Variants in MUSK observed in about 807,000 individuals in gnomAD.
The protein encoded by MUSK is muscle associated receptor tyrosine kinase, also known as muscle, skeletal receptor tyrosine-protein kinase.
A neutral mutation model predicts 88.7 loss-of-function variants in MUSK; 55 were observed. The ratio of observed to expected loss-of-function variants is 0.62; its 90% CI spans 0.50 to 0.78. The LOEUF (loss-of-function observed/expected upper bound fraction) is 0.78, where lower values mean the gene tolerates loss of function less well. Among genes scored for constraint, MUSK ranks in the 30% least tolerant of loss-of-function variants. The pLI, the probability that MUSK is intolerant of heterozygous loss-of-function variation, is 0.00. For synonymous variants in MUSK, 387 were observed against 391.9 expected (o/e 0.99, Z 0.15); for missense variants, 1,015 against 1,074.3 (o/e 0.94, Z 0.77).
intron 5 of MUSK, among the ~76,000 whole-genome samples, chr9:110,712,159 GA>G (rs35254603): frequency 0.4 from 56,820 of 141,696 alleles, 11,573 homozygotes; most frequent in Admixed American, 0.48. Flanking sequence ...TGTTTATTCT[GA>G]AAAAAAAAAA....
intron 9 of MUSK, among the ~76,000 whole-genome samples, chr9:110,774,894 CTT>C (rs3983435): frequency 2.4e-4 from 21 of 89,320 alleles, no homozygotes; most frequent in African/African-American, 9.0e-4. Context: ...CACACACACT[CTT>C]ACAATTTCCT....
At chr9:110,769,486 C>CA (rs995664332) in intron 9 of MUSK, among the ~76,000 whole-genome samples, 49 of 148,202 alleles carry the variant, frequency 3.3e-4, no homozygotes, top group Admixed American at 4.0e-4. Flanking sequence ...AAAATTACTG[C>CA]AAAAAAAAAT....
intron 6 of MUSK, among the ~76,000 whole-genome samples, chr9:110,739,930 G>A (rs1004435892): frequency 1.3e-5 from 2 of 152,222 alleles, no homozygotes; most frequent in East Asian, 1.9e-4. Flanking sequence ...TATCTTGGCT[G>A]TAGTGAACAT....
intron 5 of MUSK, among the ~76,000 whole-genome samples, chr9:110,704,032 T>A (rs1176656226): frequency 6.6e-6 from 1 of 152,070 alleles, no homozygotes; most frequent in Non-Finnish European, 1.5e-5. Context: ...AACAATAGAG[T>A]GTGGGGAAAC....
chr9:110,735,030 C>T (rs2077011904), intron 6 of MUSK, among the ~76,000 whole-genome samples: 1 of 151,846 alleles, frequency 6.6e-6, no homozygotes, highest in Non-Finnish European at 1.5e-5. Context: ...GTGTCAAATG[C>T]CATGCAGAAA....
chr9:110,680,238 T>G (rs1425259253), intron 1 of MUSK, among the ~76,000 whole-genome samples: 1 of 152,178 alleles, frequency 6.6e-6, no homozygotes, highest in East Asian at 1.9e-4. Flanking sequence ...CAATTGTTGT[T>G]GCTGAATAAT....
At chr9:110,688,064 C>A (rs1043533563) in intron 3 of MUSK, among the ~76,000 whole-genome samples, 1 of 152,130 alleles carries the variant, frequency 6.6e-6, no homozygotes, top group African/African-American at 2.4e-5. Context: ...AATCTCCCAG[C>A]CCTCAGTGTT....
intron 6 of MUSK, among the ~76,000 whole-genome samples, chr9:110,739,511 T>C (rs1271064397): frequency 6.6e-6 from 1 of 152,172 alleles, no homozygotes; most frequent in African/African-American, 2.4e-5. Flanking sequence ...GGATTCCAAG[T>C]ATTCACTATC....
At chr9:110,797,297 A>C (rs868192055) in intron 14 of MUSK, among the ~76,000 whole-genome samples, 40 of 152,148 alleles carry the variant, frequency 2.6e-4, no homozygotes, top group Middle Eastern at 3.4e-3. Flanking sequence ...ACAAACAAAA[A>C]AAAAGTTTCA....
In MUSK at chr9:110,802,089, T is replaced by C. The variant is rs1321321432; in HGVS notation, c.*1101T>C. 6.6e-6 allele frequency among the ~76,000 whole-genome samples: 1 copy of C among 152,196 alleles called. No homozygotes were observed. The highest frequency in any genetic ancestry group is 2.4e-5 in the African/African-American group (1 of 41,458). On this transcript the variant is annotated 3_prime_UTR_variant, in exon 15 of 15. Coordinates refer to ENST00000374448, the MANE Select transcript of MUSK (RefSeq NM_005592.4). The stretch of plus-strand genomic sequence containing the variant: ...GATACACTTGTGGCTCTGAGTTATT[T>C]CAAAACTGATATTTCTGTGCATTCT...
intron 7 of MUSK, among the ~76,000 whole-genome samples, chr9:110,755,750 GTTCCTC>G (rs2077302338): frequency 6.6e-6 from 1 of 151,496 alleles, no homozygotes; most frequent in Admixed American, 6.6e-5. Flanking sequence ...CTTTCCTCCT[GTTCCTC>G]TTCATCTCTG....
chr9:110,753,830 C>T (rs1375778734), intron 7 of MUSK, among the ~76,000 whole-genome samples: 2 of 151,866 alleles, frequency 1.3e-5, no homozygotes, highest in African/African-American at 2.4e-5. Context: ...TTTCTTATTT[C>T]AAAAGAGGTG....
At chr9:110,711,759 G>A (rs1025208552) in intron 5 of MUSK, among the ~76,000 whole-genome samples, 1 of 152,096 alleles carries the variant, frequency 6.6e-6, no homozygotes, top group Admixed American at 6.6e-5. Flanking sequence ...AATCTAATAA[G>A]GCCATACTCA....
chr9:110,737,417 G>A (rs1456546229), intron 6 of MUSK, among the ~76,000 whole-genome samples: 5 of 151,946 alleles, frequency 3.3e-5, no homozygotes, highest in Middle Eastern at 3.4e-3. Flanking sequence ...AAATTGCAAA[G>A]TTTCCCTTAT....
At chr9:110,704,441 A>G (rs1480888897) in intron 5 of MUSK, among the ~76,000 whole-genome samples, 1 of 152,172 alleles carries the variant, frequency 6.6e-6, no homozygotes, top group Non-Finnish European at 1.5e-5. Context: ...ATGCTTGATT[A>G]TTAGTTATTA....
chr9:110,763,092 G>GT lies in MUSK; in HGVS notation c.920+892dup, dbSNP rs924058537. ...CATGTGGTACACAATAAAAAAAACA[G>GT]TTTTTTTTAACTAAAAACACCTTTT... On this transcript the variant is annotated intron_variant, in intron 8 of 14. Coordinates refer to ENST00000374448, the MANE Select transcript of MUSK (RefSeq NM_005592.4). 6.5e-4 allele frequency among the ~76,000 whole-genome samples: 98 copies of GT among 151,912 alleles called. No homozygotes were observed. The East Asian group carries it at 0.01, about 16-fold the overall frequency.
intron 4 of MUSK, 116 bp downstream of exon 4, chr9:110,695,646 T>G: frequency 1.2e-6 from 1 of 834,292 alleles, no homozygotes; most frequent in Non-Finnish European, 1.8e-6. Context: ...TCCATGTACA[T>G]TTTAACCAAA....
At chr9:110,798,401 G>C (rs569105730) in intron 14 of MUSK, among the ~76,000 whole-genome samples, 1 of 152,178 alleles carries the variant, frequency 6.6e-6, no homozygotes, top group Non-Finnish European at 1.5e-5. Flanking sequence ...CAGAATTTTA[G>C]AATGGGAGTA....
intron 1 of MUSK, among the ~76,000 whole-genome samples, chr9:110,682,176 CCTTT>C (rs1236792466): frequency 2.6e-5 from 4 of 152,056 alleles, no homozygotes; most frequent in South Asian, 2.1e-4. Flanking sequence ...TTGCAGGAGC[CCTTT>C]CTAAGACCCT....
Sources: gnomAD v4.1 joint callset for allele counts (sites outside exome capture counted in the v4.1 genomes callset) on GRCh38, gnomAD v4.1.1 for gene constraint, MANE v1.5 for transcripts, NCBI Gene and HGNC (gene_info 2026-07-23, HGNC 2026-07-21) for gene names.